ZDHHC14: variants seen among roughly 807,000 people sequenced by gnomAD.
The protein encoded by ZDHHC14 is zDHHC palmitoyltransferase 14.
In ZDHHC14, 16 loss-of-function variants were observed where a neutral mutation model predicts 47.7. The observed-to-expected ratio is 0.34, with a 90% CI of 0.23 to 0.51. ZDHHC14 has a LOEUF of 0.51. ZDHHC14 is among the 20% of genes least tolerant of loss of function. The pLI, the probability that ZDHHC14 is intolerant of heterozygous loss-of-function variation, is 0.97. For synonymous variants in ZDHHC14, 293 were observed against 278.9 expected, an observed-to-expected ratio of 1.05 and a Z score of -0.50; for missense variants, 515 against 662.5, an observed-to-expected ratio of 0.78 and a Z score of 2.44.
chr6:157,672,958 G>A lies in ZDHHC14; in HGVS notation c.1303G>A (p.Gly435Ser), dbSNP rs1778874491. The A allele has an allele frequency of 2.5e-6, 4 of 1,600,294 alleles. No homozygotes were observed. The highest frequency in any genetic ancestry group is 3.4e-6 in the Non-Finnish European group (4 of 1,176,336). Residue 435 changes from glycine to serine, a missense_variant, in exon 9 of 9, where the codon GGC (glycine) becomes AGC (serine). Coordinates refer to ENST00000359775, the MANE Select transcript of ZDHHC14 (RefSeq NM_024630.3). ...DVMPRKDEHM[G>S]HQFLTPDEAP... is the part of the protein sequence containing the mutation. ...GATGCCCCGGAAAGATGAGCACATGGGCCACCAGTTCCTGACGCCCGATGA... is the reference window on the plus strand; with the variant it reads ...GATGCCCCGGAAAGATGAGCACATGAGCCACCAGTTCCTGACGCCCGATGA...
intron 1 of ZDHHC14, among the ~76,000 whole-genome samples, chr6:157,480,272 T>TTG (rs1562442208): frequency 6.9e-6 from 1 of 144,310 alleles, no homozygotes; most frequent in Admixed American, 6.9e-5. Context: ...TTTTTTTTTT[T>TTG]GCTTTTTTTT....
At chr6:157,423,551 G>A (rs1411504345) in intron 1 of ZDHHC14, among the ~76,000 whole-genome samples, 1 of 152,108 alleles carries the variant, frequency 6.6e-6, no homozygotes, top group Non-Finnish European at 1.5e-5. Flanking sequence ...AAGCATTGCG[G>A]GATTTTCCAG....
chr6:157,430,866 G>A (rs1273143349), intron 1 of ZDHHC14, among the ~76,000 whole-genome samples: 1 of 152,226 alleles, frequency 6.6e-6, no homozygotes, highest in Non-Finnish European at 1.5e-5. Context: ...ATGTGTGCAT[G>A]TGATAAATCC....
chr6:157,489,281 A>G lies in ZDHHC14; in HGVS notation c.246-53304A>G, dbSNP rs544536907. Among the ~76,000 whole-genome samples, 4 of 152,350 alleles carry G rather than the reference A, an allele frequency of 2.6e-5. No homozygotes were observed. In the East Asian group the frequency reaches 7.7e-4, roughly 29 times the overall value. ...AGGCTTAAATTGTAATGTGAACCCG[A>G]TACATAGAACAAACTCATGCGCAAT... is the stretch of plus-strand genomic sequence containing the variant. On this transcript the variant is annotated intron_variant, in intron 1 of 8. Coordinates refer to ENST00000359775, the MANE Select transcript of ZDHHC14 (RefSeq NM_024630.3).
intron 5 of ZDHHC14, among the ~76,000 whole-genome samples, chr6:157,636,062 T>C (rs1776958283): frequency 6.6e-6 from 1 of 152,126 alleles, no homozygotes; most frequent in Admixed American, 6.5e-5. Context: ...CACAGCCTGC[T>C]GACCGCATGC....
chr6:157,572,614 A>G (rs972840078), intron 2 of ZDHHC14, among the ~76,000 whole-genome samples: 12 of 150,356 alleles, frequency 8.0e-5, no homozygotes, highest in Middle Eastern at 3.4e-3. Flanking sequence ...ATTTAGCATT[A>G]GGTATATCTC....
chr6:157,638,688 C>T (rs1303208407), intron 5 of ZDHHC14, among the ~76,000 whole-genome samples: 1 of 152,250 alleles, frequency 6.6e-6, no homozygotes, highest in Non-Finnish European at 1.5e-5. Context: ...CACACAAATG[C>T]ACCGTCTCGC....
rs1187065924 is a variant in ZDHHC14 at position 157,579,190 on chromosome 6, G to GTTTTT, written c.407-13776_407-13772dup. On this transcript the variant is annotated intron_variant, in intron 2 of 8. Transcript: ENST00000359775. ...GCCATTTTAATGATATTGATTCTGT[G>GTTTTT]TTTTTTTTTTTTTTTTTTTTTTTTT... 1.7e-4 allele frequency among the ~76,000 whole-genome samples: 11 copies of GTTTTT among 63,970 alleles called. 1 individual carries two copies. The highest frequency in any genetic ancestry group is 2.2e-4 in the African/African-American group (4 of 18,100). 42.0% of individuals were successfully genotyped at this position (63,970 alleles called of 152,430 possible).
intron 1 of ZDHHC14, among the ~76,000 whole-genome samples, chr6:157,398,072 C>T (rs1324072051): frequency 1.3e-5 from 2 of 148,492 alleles, no homozygotes; most frequent in Admixed American, 6.7e-5. Flanking sequence ...CTCCCCAGCT[C>T]CCCAGCTCCC....
chr6:157,613,616 C>T lies in ZDHHC14; in HGVS notation c.566-14733C>T, dbSNP rs145917562. 9.7e-3 allele frequency among the ~76,000 whole-genome samples: 1,470 copies of T among 152,272 alleles called. 8 individuals carry two copies. The highest frequency in any genetic ancestry group is 0.031 in the Middle Eastern group (9 of 294). On this transcript the variant is annotated intron_variant, in intron 3 of 8. Coordinates refer to ENST00000359775, the MANE Select transcript of ZDHHC14 (RefSeq NM_024630.3). ...CGATAGGCACCTGTTGGCCTGCCTT[C>T]TTAGAACAGCTCAGTTTTAAATTCT... is the stretch of plus-strand genomic sequence containing the variant.
intron 2 of ZDHHC14, among the ~76,000 whole-genome samples, chr6:157,545,319 T>C (rs543314033): frequency 2.6e-5 from 4 of 152,186 alleles, no homozygotes; most frequent in South Asian, 4.1e-4. Flanking sequence ...AGTCACTGAA[T>C]TGCACACTTT....
At chr6:157,668,787 A>G (rs1029694467) in intron 8 of ZDHHC14, among the ~76,000 whole-genome samples, 1 of 152,210 alleles carries the variant, frequency 6.6e-6, no homozygotes, top group Non-Finnish European at 1.5e-5. Flanking sequence ...TCAAGTCCTT[A>G]AGCTTCACCC....
chr6:157,434,828 G>A (rs1778408151), intron 1 of ZDHHC14, among the ~76,000 whole-genome samples: 1 of 152,096 alleles, frequency 6.6e-6, no homozygotes, highest in Non-Finnish European at 1.5e-5. Context: ...AACTGGACCC[G>A]CTCCATGACG....
chr6:157,531,022 G>A lies in ZDHHC14; in HGVS notation c.246-11563G>A, dbSNP rs558822486. Among the ~76,000 whole-genome samples, 101 of 152,004 alleles carry A rather than the reference G, an allele frequency of 6.6e-4. No homozygotes were observed. In the South Asian group the frequency reaches 0.019, roughly 29 times the overall value. On this transcript the variant is annotated intron_variant, in intron 1 of 8. Transcript: ENST00000359775. The stretch of plus-strand genomic sequence containing the variant: ...CTTTTTCTCCCCCAGGAGAGAGATC[G>A]TTAGCTCAGAGGAGCGCTGTCAGCA...
chr6:157,406,277 G>A (rs377535520), intron 1 of ZDHHC14, among the ~76,000 whole-genome samples: 4 of 152,184 alleles, frequency 2.6e-5, no homozygotes, highest in Non-Finnish European at 5.9e-5. Flanking sequence ...AGGTTGAAAG[G>A]ATTTGAAAGT....
intron 2 of ZDHHC14, among the ~76,000 whole-genome samples, chr6:157,556,632 C>A (rs1368715051): frequency 3.6e-5 from 5 of 140,354 alleles, no homozygotes; most frequent in African/African-American, 1.3e-4. Flanking sequence ...CCCTAATTGA[C>A]AGCACAGTCA....
chr6:157,545,079 A>G (rs1781919050), intron 2 of ZDHHC14, among the ~76,000 whole-genome samples: 1 of 152,250 alleles, frequency 6.6e-6, no homozygotes, highest in African/African-American at 2.4e-5. Flanking sequence ...GACATTTGCT[A>G]AGGGAAAGAA....
At position 157,391,535 on chromosome 6, in the gene ZDHHC14, G is replaced by A. The variant is rs538751658; in HGVS notation, c.245+9269G>A. On this transcript the variant is annotated intron_variant, in intron 1 of 8. Coordinates refer to ENST00000359775, the MANE Select transcript of ZDHHC14 (RefSeq NM_024630.3). ...TTGTGTTTTTGGTAAAGTTCATTTG[G>A]TAAAGAAAGAGTTGGCTGGTGGCTA... Among the ~76,000 whole-genome samples, 96 of 152,286 alleles carry A rather than the reference G, an allele frequency of 6.3e-4. 1 individual carries two copies. The South Asian group carries it at 0.019, about 31-fold the overall frequency.
chr6:157,645,161 CT>C (rs1248220305), intron 5 of ZDHHC14, among the ~76,000 whole-genome samples: 3 of 152,028 alleles, frequency 2.0e-5, no homozygotes, highest in Non-Finnish European at 4.4e-5. Flanking sequence ...GGTTCAGGGG[CT>C]TATTTTTCCT....
Sources: allele counts gnomAD v4.1 joint callset (sites outside exome capture counted in the v4.1 genomes callset), GRCh38; gene constraint gnomAD v4.1.1; transcripts MANE v1.5; gene names NCBI Gene and HGNC (gene_info 2026-07-23, HGNC 2026-07-21).